CTCF: variants seen among roughly 807,000 people sequenced by gnomAD.
CTCF encodes the protein transcriptional repressor CTCF.
Under a neutral mutation model 72.3 loss-of-function variants are expected in CTCF, and 7 were observed. That is an observed-to-expected ratio of 0.10 (90% CI 0.06 to 0.18). The LOEUF (loss-of-function observed/expected upper bound fraction) is 0.18. Among genes scored for constraint, CTCF ranks in the 10% least tolerant of loss-of-function variants. The pLI is 1.00. For synonymous variants in CTCF, 374 were observed against 315.8 expected, an observed-to-expected ratio of 1.18 and a Z score of -1.95; for missense variants, 516 against 949.1, an observed-to-expected ratio of 0.54 and a Z score of 6.00.
chr16:67,629,150 GC>G (rs2052329876), intron 9 of CTCF, among the ~76,000 whole-genome samples: 1 of 151,704 alleles, frequency 6.6e-6, no homozygotes, highest in Non-Finnish European at 1.5e-5. Flanking sequence ...TCTCTTGGGG[GC>G]TCTGTTAGAT....
chr16:67,611,702 C>G, intron 3 of CTCF, 89 bp downstream of exon 3: 1 of 1,300,780 alleles, frequency 7.7e-7, no homozygotes. Flanking sequence ...TTATATTAAC[C>G]GTATTTGTAA....
rs2052459544 is a variant in CTCF at position 67,638,242 on chromosome 16, T to A, written c.*370T>A. 2 of 255,262 alleles carry A rather than the reference T, an allele frequency of 7.8e-6. No individual in the cohort carries two copies. The highest frequency in any genetic ancestry group is 1.5e-5 in the Non-Finnish European group (2 of 133,136). 15.8% of individuals were successfully genotyped at this position (255,262 alleles called of 1,614,324 possible). ...TTCTATGGTCTTCTTCCCAAGAGAGTTTTTAATTGTAAATGCATACTTGGG... is the reference window on the plus strand; with the variant it reads ...TTCTATGGTCTTCTTCCCAAGAGAGATTTTAATTGTAAATGCATACTTGGG... On this transcript the variant is annotated 3_prime_UTR_variant, in exon 12 of 12. Coordinates refer to ENST00000264010, the MANE Select transcript of CTCF (RefSeq NM_006565.4).
At chr16:67,575,677 AGG>A (rs2051486990) in intron 2 of CTCF, among the ~76,000 whole-genome samples, 1 of 151,748 alleles carries the variant, frequency 6.6e-6, no homozygotes, top group Non-Finnish European at 1.5e-5. Context: ...TCCTGACCTC[AGG>A]TGATCCGCCC....
chr16:67,637,200 T>C (rs2052442563), intron 11 of CTCF, among the ~76,000 whole-genome samples: 1 of 152,116 alleles, frequency 6.6e-6, no homozygotes, highest in East Asian at 1.9e-4. Context: ...TCGTAAAGGT[T>C]GGAGAGGGAA....
At chr16:67,582,548 C>G (rs2051598862) in intron 2 of CTCF, among the ~76,000 whole-genome samples, 1 of 151,860 alleles carries the variant, frequency 6.6e-6, no homozygotes. Context: ...TAAAAATCAG[C>G]CGAATATGGT....
At chr16:67,631,108 T>C (rs1298500462) in intron 10 of CTCF, among the ~76,000 whole-genome samples, 3 of 151,954 alleles carry the variant, frequency 2.0e-5, no homozygotes, top group Non-Finnish European at 4.4e-5. Context: ...AAGGAACATA[T>C]TGGAGAACTT....
chr16:67,595,139 G>A (rs1026296622), intron 2 of CTCF, among the ~76,000 whole-genome samples: 1 of 152,136 alleles, frequency 6.6e-6, no homozygotes, highest in African/African-American at 2.4e-5. Context: ...TTTCAGGAAG[G>A]TTTAATGTGG....
At chr16:67,596,956 G>A (rs923981895) in intron 2 of CTCF, among the ~76,000 whole-genome samples, 10 of 152,046 alleles carry the variant, frequency 6.6e-5, no homozygotes, top group African/African-American at 2.4e-4. Flanking sequence ...TTATTACTTA[G>A]GCTTCTAAGC....
chr16:67,629,603 A>G, intron 10 of CTCF, 70 bp downstream of exon 10: 2 of 1,538,208 alleles, frequency 1.3e-6, no homozygotes, highest in Non-Finnish European at 1.8e-6. Context: ...GTGTTTATGT[A>G]TGGATATGCT....
chr16:67,588,442 G>A (rs1022107396), intron 2 of CTCF, among the ~76,000 whole-genome samples: 2 of 152,108 alleles, frequency 1.3e-5, no homozygotes, highest in African/African-American at 4.8e-5. Context: ...GGCAAGGAGG[G>A]ATCTGGTGGT....
intron 2 of CTCF, among the ~76,000 whole-genome samples, chr16:67,580,747 G>A (rs1319790198): frequency 2.7e-5 from 4 of 147,496 alleles, no homozygotes; most frequent in Non-Finnish European, 6.0e-5. Context: ...TTTTAGTAGA[G>A]GCACCTGCCC....
chr16:67,584,163 G>A (rs564824107), intron 2 of CTCF, among the ~76,000 whole-genome samples: 1 of 151,844 alleles, frequency 6.6e-6, no homozygotes, highest in African/African-American at 2.4e-5. Flanking sequence ...CTGAGGTCAG[G>A]AGTTCGAGAC....
chr16:67,576,550 G>GTTTTTTTT (rs35771667), intron 2 of CTCF, among the ~76,000 whole-genome samples: 4 of 108,264 alleles, frequency 3.7e-5, no homozygotes, highest in East Asian at 2.5e-4. Context: ...ATAATAGAAT[G>GTTTTTTTT]TTTTTTTTTT....
intron 10 of CTCF, chr16:67,635,707 T>G (rs780924648): frequency 8.0e-5 from 12 of 150,942 alleles, no homozygotes; most frequent in Non-Finnish European, 1.5e-4. Flanking sequence ...CAGGCTGGTC[T>G]CAAACTCCCA....
At chr16:67,628,684 C>A in intron 9 of CTCF, 132 bp downstream of exon 9, 1 of 887,674 alleles carries the variant, frequency 1.1e-6, no homozygotes, top group Non-Finnish European at 1.8e-6. Context: ...AAGGGTTAGT[C>A]ATCCCCATCT....
At chr16:67,610,577 A>G (rs1482233014) in intron 2 of CTCF, 2 of 183,460 alleles carry the variant, frequency 1.1e-5, no homozygotes, top group Non-Finnish European at 2.2e-5. Context: ...GATGTTCTCG[A>G]TCTCCTGACC....
chr16:67,612,636 TAA>T (rs924682492), intron 4 of CTCF, among the ~76,000 whole-genome samples: 1 of 141,648 alleles, frequency 7.1e-6, no homozygotes. Flanking sequence ...TACCTTTATT[TAA>T]AAAAAAAAAA....
chr16:67,616,587 A>G, intron 4 of CTCF, 158 bp from the exon 5 acceptor site: 4 of 741,288 alleles, frequency 5.4e-6, no homozygotes, highest in South Asian at 5.3e-5. Context: ...AGGCCCTCCC[A>G]TAGTTTTCGG....
intron 1 of CTCF, among the ~76,000 whole-genome samples, chr16:67,565,484 C>T (rs989748651): frequency 2.0e-5 from 3 of 151,674 alleles, no homozygotes; most frequent in Non-Finnish European, 4.4e-5. Flanking sequence ...ACCATCCTGA[C>T]TAACACAGTG....
Sources: allele counts gnomAD v4.1 joint callset (sites outside exome capture counted in the v4.1 genomes callset), GRCh38; gene constraint gnomAD v4.1.1; transcripts MANE v1.5; gene names NCBI Gene and HGNC (gene_info 2026-07-23, HGNC 2026-07-21).